The following MRPS30 variants were observed in gnomAD, a reference collection of about 807,000 sequenced individuals.
MRPS30 encodes large ribosomal subunit protein mL65.
A neutral mutation model predicts 43.8 loss-of-function variants in MRPS30; 42 were observed. The observed-to-expected ratio is 0.96, with a 90% CI of 0.75 to 1.24. MRPS30 has a LOEUF of 1.24. MRPS30 is among the 50% of genes most tolerant of loss of function. The pLI is 0.00. For missense variants in MRPS30, 638 were observed against 570.0 expected, an observed-to-expected ratio of 1.12 and a Z score of -1.22; for synonymous variants, 273 against 228.2, an observed-to-expected ratio of 1.20 and a Z score of -1.77.
chr5:44,813,360 T>G lies in MRPS30; in HGVS notation c.1030+78T>G, dbSNP rs978706932. The G allele has an allele frequency of 8.5e-6, 11 of 1,286,550 alleles. No individual in the cohort carries two copies. In the African/African-American group the frequency reaches 1.7e-4, roughly 20 times the overall value. 79.7% of individuals were successfully genotyped at this position (1,286,550 alleles called of 1,614,324 possible). A position where few individuals can be genotyped will look rare whatever the true frequency, so the allele number is the denominator to read the frequency against. On this transcript the variant is annotated intron_variant, in intron 4 of 4. Coordinates refer to ENST00000507110, the MANE Select transcript of MRPS30 (RefSeq NM_016640.4). ...AATATAATGGTTAAAATTTTTTCTT[T>G]GGGTTAAAACATAGGTTGAATCTTA... is the stretch of plus-strand genomic sequence containing the variant.
chr5:44,812,336 G>C (rs901638730), intron 3 of MRPS30, among the ~76,000 whole-genome samples: 5 of 152,100 alleles, frequency 3.3e-5, no homozygotes, highest in Admixed American at 6.6e-5. Flanking sequence ...CTGGACTTGA[G>C]ATAGCAATTG....
chr5:44,814,158 G>A (rs1579858731), intron 4 of MRPS30, among the ~76,000 whole-genome samples: 2 of 152,278 alleles, frequency 1.3e-5, no homozygotes, highest in South Asian at 4.1e-4. Flanking sequence ...GAAGCCAGAG[G>A]CTATATCTTC....
At chr5:44,810,724 T>G (rs1742826483) in intron 1 of MRPS30, among the ~76,000 whole-genome samples, 1 of 152,258 alleles carries the variant, frequency 6.6e-6, no homozygotes, top group Non-Finnish European at 1.5e-5. Flanking sequence ...AAAATAGCCC[T>G]ATTTTTATTT....
intron 1 of MRPS30, among the ~76,000 whole-genome samples, chr5:44,810,778 C>T (rs1742827459): frequency 1.3e-5 from 2 of 152,070 alleles, no homozygotes; most frequent in Admixed American, 1.3e-4. Flanking sequence ...TTTTATTACT[C>T]CTAATGAGGA....
intron 4 of MRPS30, 163 bp downstream of exon 4, chr5:44,813,445 A>G (rs1428456551): frequency 3.6e-6 from 2 of 550,322 alleles, no homozygotes; most frequent in African/African-American, 2.0e-5. Flanking sequence ...TCGTTTAAAT[A>G]CTATACATTT....
chr5:44,811,215 G>A, intron 2 of MRPS30, 61 bp downstream of exon 2: 3 of 1,567,396 alleles, frequency 1.9e-6, no homozygotes, highest in Non-Finnish European at 1.7e-6. Context: ...TCATAGGCAG[G>A]TTGAGTAATA....
intron 1 of MRPS30, among the ~76,000 whole-genome samples, chr5:44,810,580 A>G (rs1742823388): frequency 6.6e-6 from 1 of 152,172 alleles, no homozygotes; most frequent in South Asian, 2.1e-4. Context: ...TCATGGACTT[A>G]GACTACTCCT....
intron 3 of MRPS30, among the ~76,000 whole-genome samples, chr5:44,812,740 G>T (rs1053701837): frequency 6.6e-6 from 1 of 151,756 alleles, no homozygotes; most frequent in East Asian, 1.9e-4. Flanking sequence ...AGTTATTAAA[G>T]TCTTGAAGTG....
intron 4 of MRPS30, among the ~76,000 whole-genome samples, 196 bp from the exon 5 acceptor site, chr5:44,814,717 A>C (rs1356613692): frequency 1.3e-5 from 2 of 152,194 alleles, no homozygotes; most frequent in Admixed American, 6.5e-5. Context: ...AGAAGGGAGG[A>C]AAATATTATT....
In MRPS30 at chr5:44,813,284, TAAA is replaced by T; in HGVS notation, c.1030+5_1030+7del. ...CTGGAGCACAAGCTATGTATCAAGG[TAAA>T]AATTAATTTTATAGCATTTTCTTTG... is the stretch of plus-strand genomic sequence containing the variant. On this transcript the variant is annotated splice_donor_5th_base_variant and intron_variant, in intron 4 of 4. Transcript: ENST00000507110. The T allele has an allele frequency of 6.4e-7, 1 of 1,562,994 alleles. No individual in the cohort carries two copies. The highest frequency in any genetic ancestry group is 8.6e-7 in the Non-Finnish European group (1 of 1,159,692).
In MRPS30 at chr5:44,809,002, C is replaced by G. The variant is rs1394653113; in HGVS notation, c.40C>G (p.Pro14Ala). Residue 14 changes from proline (P) to alanine (A), a missense_variant, in exon 1 of 5, where the codon CCG becomes GCG. By Grantham distance (27) the Pro-to-Ala change is conservative. Transcript: ENST00000507110. ...ARCWRPLLRG[P>A]RLSLHTAANA... ...GTGTTGGAGGCCTTTGCTACGCGGT[C>G]CGAGGCTTTCATTGCACACCGCGGC... 6.2e-7 allele frequency: 1 copy of G among 1,609,326 alleles called. No individual in the cohort carries two copies. The highest frequency in any genetic ancestry group is 2.2e-5 in the East Asian group (1 of 44,722).
Position 44,812,608 on chromosome 5 carries a change from A to T in MRPS30, c.854-498A>T, listed in dbSNP as rs138539990. ...TTTTTGTTGAAAAGACTACCACTAG[A>T]ATCAAGAATGTCAGCATTTCATGAA... On this transcript the variant is annotated intron_variant, in intron 3 of 4. Transcript: ENST00000507110. 6.0e-4 allele frequency among the ~76,000 whole-genome samples: 92 copies of T among 152,114 alleles called. No individual in the cohort carries two copies. In the East Asian group the frequency reaches 0.016, roughly 27 times the overall value.
At position 44,809,522 on chromosome 5, in the gene MRPS30, T is replaced by G. The variant is rs144926318; in HGVS notation, c.560T>G (p.Leu187Arg). 5.0e-6 allele frequency: 8 copies of G among 1,610,346 alleles called. No homozygotes were observed. Among genetic ancestry groups the G allele is most frequent in the Middle Eastern group, 1.7e-4 (1 of 5,984 alleles). ...LDQLVSTLVG[L>R]LSPHNPALAA... is the part of the protein sequence containing the mutation. ...CAGCTGGTGTCAACCCTCGTGGGCC[T>G]CCTCAGCCCACACAACCCGGCCCTG... Residue 187 changes from leucine to arginine, a missense_variant, in exon 1 of 5, where the codon CTC becomes CGC. Transcript: ENST00000507110.
At position 44,809,361 on chromosome 5, in the gene MRPS30, T is replaced by G. The variant is rs375428957; in HGVS notation, c.399T>G (p.Pro133=). The G allele has an allele frequency of 6.2e-7, 1 of 1,604,614 alleles. No individual in the cohort carries two copies. Among genetic ancestry groups the G allele is most frequent in the Admixed American group, 1.7e-5 (1 of 59,132 alleles). ...CCGAGCCCGAGCCCGAACCCGAACC[T>G]GAACCTGCGCTGGACCTCGCGGCGC... is the stretch of plus-strand genomic sequence containing the variant. ...AEPEPEPEPE[P]EPALDLAALR... Residue 133 remains proline (P), a synonymous_variant, in exon 1 of 5, where the codon CCT becomes CCG. Coordinates refer to ENST00000507110, the MANE Select transcript of MRPS30 (RefSeq NM_016640.4).
intron 1 of MRPS30, 87 bp from the exon 2 acceptor site, chr5:44,810,922 G>A: frequency 8.6e-7 from 1 of 1,161,718 alleles, no homozygotes; most frequent in Non-Finnish European, 1.2e-6. Flanking sequence ...GTTATCATTT[G>A]CTAAGTTAGT....
chr5:44,814,898 A>G lies in MRPS30; in HGVS notation c.1031-15A>G. ...ATATTCTATGTGTAAATTTCAGCAT[A>G]ACTTTCTTCTACAGGATTCTGGAGT... is the stretch of plus-strand genomic sequence containing the variant. On this transcript the variant is annotated splice_polypyrimidine_tract_variant and intron_variant, in intron 4 of 4. Coordinates refer to ENST00000507110, the MANE Select transcript of MRPS30 (RefSeq NM_016640.4). 6.3e-7 allele frequency: 1 copy of G among 1,583,738 alleles called. No individual in the cohort carries two copies. The highest frequency in any genetic ancestry group is 8.6e-7 in the Non-Finnish European group (1 of 1,165,822).
chr5:44,810,974 T>A, intron 1 of MRPS30, 35 bp from the exon 2 acceptor site: 1 of 1,588,428 alleles, frequency 6.3e-7, no homozygotes. Context: ...ATTTAGATGA[T>A]CAGATGAAAA....
intron 1 of MRPS30, chr5:44,809,852 A>G: frequency 2.5e-6 from 1 of 398,284 alleles, no homozygotes; most frequent in Non-Finnish European, 4.5e-6. Flanking sequence ...AGCCAAATGG[A>G]AGAGCAGTGG....
At chr5:44,811,317 T>A (rs113490426) in intron 2 of MRPS30, among the ~76,000 whole-genome samples, 163 bp downstream of exon 2, 1 of 152,244 alleles carries the variant, frequency 6.6e-6, no homozygotes. Flanking sequence ...TTTAGCTTTT[T>A]AAATCTGCTT....
Sources: gnomAD v4.1 joint callset for allele counts (sites outside exome capture counted in the v4.1 genomes callset) on GRCh38, gnomAD v4.1.1 for gene constraint, MANE v1.5 for transcripts, NCBI Gene and HGNC (gene_info 2026-07-23, HGNC 2026-07-21) for gene names.